The following DHRS4L2 variants were observed in gnomAD, a reference collection of about 807,000 sequenced individuals.
DHRS4L2 encodes the protein dehydrogenase/reductase 4 like 2.
A neutral mutation model predicts 23.9 loss-of-function variants in DHRS4L2; 22 were observed. The observed-to-expected ratio is 0.92, with a 90% CI of 0.66 to 1.31. DHRS4L2 has a LOEUF of 1.31. DHRS4L2 is among the 40% of genes most tolerant of loss of function. DHRS4L2 has a pLI of 0.00. For synonymous variants in DHRS4L2, 141 were observed against 123.7 expected (o/e 1.14, Z -0.93); for missense variants, 385 against 303.3 (o/e 1.27, Z -2.00).
upstream of DHRS4L2, among the ~76,000 whole-genome samples, chr14:23,987,906 TTTA>T (rs55702829): frequency 0.33 from 49,718 of 151,260 alleles, 9,595 homozygotes; most frequent in East Asian, 0.49. Flanking sequence ...GCCATCCATA[TTTA>T]TTCATTCTCC....
rs560678833 is a variant in DHRS4L2, at chr14:23,996,846, G to C, written c.408+1713G>C. On this transcript the variant is annotated intron_variant, in intron 3 of 7. Coordinates refer to ENST00000335125, the MANE Select transcript of DHRS4L2 (RefSeq NM_198083.4). ...GATGGGGTTTCACTGTGTTGCTCAG[G>C]CTGGTCTCAAATTCCTGGCCTCAAC... Among the ~76,000 whole-genome samples the C allele has an allele frequency of 1.2e-3, 189 of 151,982 alleles. 1 individual carries two copies. The highest frequency in any genetic ancestry group is 2.1e-3 in the Non-Finnish European group (142 of 67,896).
At chr14:23,981,683 T>G (rs2034056038) in intron 1 of DHRS4L2, among the ~76,000 whole-genome samples, 1 of 151,562 alleles carries the variant, frequency 6.6e-6, no homozygotes, top group South Asian at 2.1e-4. Flanking sequence ...TAATTACTAT[T>G]TTTACTATCT....
At chr14:24,002,108 T>G (rs1298001390) in intron 6 of DHRS4L2, among the ~76,000 whole-genome samples, 1 of 105,550 alleles carries the variant, frequency 9.5e-6, no homozygotes. Flanking sequence ...ATTAGATATA[T>G]CTCCCAATGC....
chr14:23,985,824 C>T (rs2034130442), upstream of DHRS4L2, among the ~76,000 whole-genome samples: 1 of 151,354 alleles, frequency 6.6e-6, no homozygotes, highest in Admixed American at 6.6e-5. Flanking sequence ...AAGCAATTCT[C>T]CTGCCTCAGC....
chr14:23,977,669 G>A (rs146153493), intron 1 of DHRS4L2, among the ~76,000 whole-genome samples: 1 of 151,602 alleles, frequency 6.6e-6, no homozygotes, highest in Non-Finnish European at 1.5e-5. Context: ...AATTATAGAT[G>A]AACTAGCTTT....
intron 3 of DHRS4L2, 114 bp downstream of exon 3, chr14:23,995,247 C>A: frequency 8.3e-7 from 1 of 1,207,370 alleles, no homozygotes. Context: ...GACTCTTTGC[C>A]ACGTGCCACA....
chr14:23,986,508 A>AG (rs1491321453), upstream of DHRS4L2, among the ~76,000 whole-genome samples: 1 of 54,490 alleles, frequency 1.8e-5, no homozygotes, highest in African/African-American at 7.8e-5. Context: ...AAAGTATAAT[A>AG]AAAAAAAAAA....
At chr14:23,993,773 T>C (rs2034317778) in intron 2 of DHRS4L2, among the ~76,000 whole-genome samples, 1 of 151,698 alleles carries the variant, frequency 6.6e-6, no homozygotes. Context: ...AATGACATCA[T>C]AACCAAATAT....
intron 3 of DHRS4L2, among the ~76,000 whole-genome samples, chr14:23,999,215 G>A (rs1238923466): frequency 6.7e-6 from 1 of 149,898 alleles, no homozygotes; most frequent in Non-Finnish European, 1.5e-5. Context: ...CACCGTAACA[G>A]ATATAATAAT....
At chr14:24,001,363 C>T (rs758063130) in intron 5 of DHRS4L2, 21 bp from the exon 6 acceptor site, 2 of 1,600,774 alleles carry the variant, frequency 1.2e-6, no homozygotes, top group Admixed American at 1.7e-5. Flanking sequence ...ATGAGTCTAA[C>T]ACATTCTCTT....
At chr14:23,998,663 G>C (rs1040461654) in intron 3 of DHRS4L2, among the ~76,000 whole-genome samples, 8 of 151,832 alleles carry the variant, frequency 5.3e-5, no homozygotes, top group Admixed American at 5.2e-4. Context: ...AGCCTTCAAA[G>C]AATTAAAAAG....
intron 1 of DHRS4L2, among the ~76,000 whole-genome samples, chr14:23,974,750 ATAAT>A (rs1455440782): frequency 4.6e-5 from 7 of 151,894 alleles, no homozygotes; most frequent in Non-Finnish European, 7.4e-5. Context: ...AATTGAGGCA[ATAAT>A]TAATAGCCTA....
chr14:23,991,737 C>CTTTT (rs56024121), intron 2 of DHRS4L2, among the ~76,000 whole-genome samples: 1 of 139,882 alleles, frequency 7.1e-6, no homozygotes, highest in Non-Finnish European at 1.6e-5. Context: ...GCCTCCATAT[C>CTTTT]TTTTTTTTTT....
At chr14:23,988,831 C>G, upstream of DHRS4L2, 1 of 1,434,542 alleles carries the variant, frequency 7.0e-7, no homozygotes. Flanking sequence ...CGACTCCCAG[C>G]TGGCCGAGGG....
At chr14:23,977,537 C>CA (rs58192612) in intron 1 of DHRS4L2, among the ~76,000 whole-genome samples, 10,046 of 151,726 alleles carry the variant, frequency 0.066, 1,275 homozygotes, top group African/African-American at 0.23. Context: ...AAAAATTCAT[C>CA]AAAACTGCTT....
intron 4 of DHRS4L2, 41 bp from the exon 5 acceptor site, chr14:24,000,992 G>C (rs761313175): frequency 6.2e-7 from 1 of 1,611,262 alleles, no homozygotes; most frequent in African/African-American, 1.4e-5. Flanking sequence ...TGAGGGCAGT[G>C]GTCCACACTG....
At chr14:23,994,040 C>A (rs1213493332) in intron 2 of DHRS4L2, among the ~76,000 whole-genome samples, 1 of 151,816 alleles carries the variant, frequency 6.6e-6, no homozygotes, top group Non-Finnish European at 1.5e-5. Flanking sequence ...AGTATAAGAT[C>A]TTGAGAAAAT....
intron 2 of DHRS4L2, among the ~76,000 whole-genome samples, chr14:23,992,181 G>A (rs1594467731): frequency 6.6e-6 from 1 of 151,746 alleles, no homozygotes; most frequent in East Asian, 1.9e-4. Context: ...TCTGGCTCTG[G>A]TAGGAAGGAT....
intron 2 of DHRS4L2, among the ~76,000 whole-genome samples, chr14:23,992,084 TA>T (rs2034282390): frequency 6.6e-6 from 1 of 151,580 alleles, no homozygotes; most frequent in Admixed American, 6.6e-5. Flanking sequence ...TATGGCCTCT[TA>T]AAAGGATATG....
Sources: allele counts gnomAD v4.1 joint callset (sites outside exome capture counted in the v4.1 genomes callset), GRCh38; gene constraint gnomAD v4.1.1; transcripts MANE v1.5; gene names NCBI Gene and HGNC (gene_info 2026-07-23, HGNC 2026-07-21).